The following PCDHGB5 variants were observed in gnomAD, a reference collection of about 807,000 sequenced individuals.
The protein encoded by PCDHGB5 is protocadherin gamma-B5.
In PCDHGB5, 48 loss-of-function variants were observed where a neutral mutation model predicts 62.9. The observed-to-expected ratio is 0.76, with a 90% CI of 0.61 to 0.97. The LOEUF (loss-of-function observed/expected upper bound fraction) is 0.97, where lower values mean the gene tolerates loss of function less well. Ranked by LOEUF, PCDHGB5 falls within the 50% of genes least tolerant of loss-of-function variation. PCDHGB5 has a pLI of 0.00. For synonymous variants in PCDHGB5, 474 were observed against 511.2 expected, an observed-to-expected ratio of 0.93 and a Z score of 0.98; for missense variants, 1,118 against 1,198.6, an observed-to-expected ratio of 0.93 and a Z score of 0.99.
chr5:141,413,343 G>A, intron 1 of PCDHGB5: 12 of 1,613,994 alleles, frequency 7.4e-6, no homozygotes, highest in Non-Finnish European at 1.0e-5. Context: ...CCAAGGACTT[G>A]GGTCTGGCGC....
At chr5:141,438,591 C>CATACATAT (rs1228520343) in intron 1 of PCDHGB5, among the ~76,000 whole-genome samples, 2 of 75,562 alleles carry the variant, frequency 2.6e-5, no homozygotes, top group African/African-American at 4.5e-5. Context: ...TACATACATA[C>CATACATAT]ATATATATAT....
At chr5:141,470,858 TTTTG>T (rs775688955) in intron 1 of PCDHGB5, among the ~76,000 whole-genome samples, 79 of 151,956 alleles carry the variant, frequency 5.2e-4, no homozygotes, top group Non-Finnish European at 3.5e-4. Context: ...CAGATAAGTT[TTTTG>T]TTTGTTTGTT....
At position 141,436,288 on chromosome 5, in the gene PCDHGB5, C is replaced by T. The variant is rs533281663; in HGVS notation, c.2397+35764C>T. On this transcript the variant is annotated intron_variant, in intron 1 of 3. Coordinates refer to ENST00000617380, the MANE Select transcript of PCDHGB5 (RefSeq NM_018925.3). ...CACCTAACTTGATTTAGGAACAAATCATTGAGAGTTAGAGCATGAATAGTC... is the reference window on the plus strand; with the variant it reads ...CACCTAACTTGATTTAGGAACAAATTATTGAGAGTTAGAGCATGAATAGTC... 3.9e-3 allele frequency among the ~76,000 whole-genome samples: 590 copies of T among 152,274 alleles called. 9 individuals are homozygous for T. Among genetic ancestry groups the T allele is most frequent in the Middle Eastern group, 0.01 (3 of 294 alleles).
chr5:141,451,908 G>C (rs899191624), intron 1 of PCDHGB5, among the ~76,000 whole-genome samples: 1 of 152,046 alleles, frequency 6.6e-6, no homozygotes, highest in Non-Finnish European at 1.5e-5. Flanking sequence ...AAGGGAGGGA[G>C]GGAGGAAGGA....
intron 1 of PCDHGB5, chr5:141,423,252 C>T (rs2096724826): frequency 1.2e-6 from 2 of 1,613,802 alleles, no homozygotes; most frequent in South Asian, 2.2e-5. Context: ...TCCTGGCGGA[C>T]CTCGGCAGCC....
In PCDHGB5 at chr5:141,423,130, G is replaced by T. The variant is rs770258338; in HGVS notation, c.2397+22606G>T. The T allele has an allele frequency of 2.5e-6, 4 of 1,613,700 alleles. No homozygotes were observed. Among genetic ancestry groups the T allele is most frequent in the Non-Finnish European group, 2.5e-6 (3 of 1,179,952 alleles). ...GGTGCGTACAGCGCGGGCACTGCTG[G>T]ACAGAGACGCGCTCAAGCAGAGCCT... On this transcript the variant is annotated intron_variant, in intron 1 of 3. Coordinates refer to ENST00000617380, the MANE Select transcript of PCDHGB5 (RefSeq NM_018925.3).
chr5:141,400,736 G>A, intron 1 of PCDHGB5: 1 of 630,462 alleles, frequency 1.6e-6, no homozygotes, highest in Non-Finnish European at 2.7e-6. Context: ...AGTAGTGAGA[G>A]TTTGCTCTTA....
chr5:141,509,810 G>T (rs1272295976), intron 3 of PCDHGB5, among the ~76,000 whole-genome samples: 1 of 152,154 alleles, frequency 6.6e-6, no homozygotes, highest in East Asian at 1.9e-4. Flanking sequence ...ATAGAGCCGA[G>T]CTCTTCTCCA....
intron 1 of PCDHGB5, chr5:141,424,160 CATCT>C (rs1554117117): frequency 1.5e-5 from 4 of 273,202 alleles, no homozygotes; most frequent in South Asian, 1.4e-4. Flanking sequence ...CTCTCCTTCT[CATCT>C]ATCTATCTAT....
chr5:141,497,832 G>C (rs1326640712), intron 2 of PCDHGB5, among the ~76,000 whole-genome samples: 1 of 151,992 alleles, frequency 6.6e-6, no homozygotes, highest in East Asian at 1.9e-4. Context: ...GATCGCCCCC[G>C]GCCACAACAA....
Position 141,490,013 on chromosome 5 carries a change from G to A in PCDHGB5, c.2398-4794G>A. 6.2e-7 allele frequency: 1 copy of A among 1,614,206 alleles called. No individual in the cohort carries two copies. The highest frequency in any genetic ancestry group is 1.1e-5 in the South Asian group (1 of 91,088). Reference sequence around the variant, plus strand: ...GGAATCCCAGAGAATGCACCCATTGGTACTCTGCTGCTCCGCCTCAATGCC... The same window carrying A: ...GGAATCCCAGAGAATGCACCCATTGATACTCTGCTGCTCCGCCTCAATGCC... On this transcript the variant is annotated intron_variant, in intron 1 of 3. Transcript: ENST00000617380. This position sits in a 1 kb window ranked among gnomAD's most constrained non-coding sequence, Gnocchi z 5.4.
intron 1 of PCDHGB5, among the ~76,000 whole-genome samples, chr5:141,429,774 G>A (rs1175985162): frequency 6.6e-6 from 1 of 152,070 alleles, no homozygotes; most frequent in Non-Finnish European, 1.5e-5. Context: ...ATTTTGATGG[G>A]CTTCCAAAAG....
chr5:141,418,751 A>G (rs2096284782), intron 1 of PCDHGB5: 2 of 1,613,840 alleles, frequency 1.2e-6, no homozygotes, highest in African/African-American at 2.7e-5. Context: ...GGATTACACT[A>G]CAGGAAACAT....
At chr5:141,460,546 C>A (rs182506898) in intron 1 of PCDHGB5, among the ~76,000 whole-genome samples, 51 of 152,152 alleles carry the variant, frequency 3.4e-4, no homozygotes, top group African/African-American at 1.1e-3. Context: ...GCACCTTAAT[C>A]AAAAATCATT....
chr5:141,399,721 G>C lies in PCDHGB5; in HGVS notation c.1594G>C (p.Asp532His). The change falls in exon 1 of 4, where the codon GAC becomes CAC. Residue 532 changes from aspartate (D) to histidine (H), a missense_variant. Around this residue, in one of 2 missense-constraint regions of PCDHGB5, gnomAD observed 1,034 missense variants for 1,029.1 expected, o/e 1.00. Transcript: ENST00000617380. ...RTFELTLQAR[D>H]QGSPALSANV... ...CTTCGAACTCACACTACAGGCCCGC[G>C]ACCAGGGCTCGCCTGCGCTCAGCGC... 1 of 1,613,292 alleles carries C rather than the reference G, an allele frequency of 6.2e-7. No individual in the cohort carries two copies. The highest frequency in any genetic ancestry group is 8.5e-7 in the Non-Finnish European group (1 of 1,179,872).
intron 1 of PCDHGB5, among the ~76,000 whole-genome samples, chr5:141,470,997 A>G (rs905897657): frequency 3.8e-4 from 57 of 150,462 alleles, no homozygotes; most frequent in African/African-American, 1.3e-3. Flanking sequence ...GACTACAGGC[A>G]TGAGCCACTG....
intron 1 of PCDHGB5, among the ~76,000 whole-genome samples, chr5:141,406,157 C>A: frequency 6.6e-6 from 1 of 151,124 alleles, no homozygotes. Flanking sequence ...ACTGCAGTCT[C>A]AATCTCCTGG....
Position 141,418,027 on chromosome 5 carries a change from T to A in PCDHGB5, c.2397+17503T>A, listed in dbSNP as rs536104184. 2.4e-5 allele frequency: 38 copies of A among 1,613,808 alleles called. 1 individual carries two copies. In the South Asian group the frequency reaches 4.2e-4, roughly 18 times the overall value. ...GGAACCTCGCTAAGGATCTAGGGCT[T>A]AGTGTCCTGGATGTGTCGGCTCGCG... On this transcript the variant is annotated intron_variant, in intron 1 of 3. Coordinates refer to ENST00000617380, the MANE Select transcript of PCDHGB5 (RefSeq NM_018925.3).
chr5:141,460,454 T>A (rs1010186960), intron 1 of PCDHGB5, among the ~76,000 whole-genome samples: 6 of 152,194 alleles, frequency 3.9e-5, no homozygotes, highest in Admixed American at 3.3e-4. Flanking sequence ...TGAAGATTCA[T>A]ATTTTTTTCC....
Sources: allele counts gnomAD v4.1 joint callset (sites outside exome capture counted in the v4.1 genomes callset), GRCh38; gene constraint gnomAD v4.1.1; regional missense constraint gnomAD v4.1.1; non-coding constraint Gnocchi (gnomAD v3.1); transcripts MANE v1.5; gene names NCBI Gene and HGNC (gene_info 2026-07-23, HGNC 2026-07-21).